Variants in JMJD1C observed in about 807,000 individuals in gnomAD.
JMJD1C encodes jumonji domain containing 1C.
JMJD1C carries 31 observed loss-of-function variants against 245.3 expected under a neutral mutation model. The observed-to-expected ratio is 0.13, with a 90% CI of 0.09 to 0.17. JMJD1C has a LOEUF of 0.17. JMJD1C is among the 10% of genes least tolerant of loss of function. The pLI, the probability that JMJD1C is intolerant of heterozygous loss-of-function variation, is 1.00. For missense variants in JMJD1C, 2,691 were observed against 3,000.2 expected (o/e 0.90, Z 2.41); for synonymous variants, 1,057 against 1,017.4 (o/e 1.04, Z -0.74).
At chr10:63,216,868 G>A (rs1848050324) in intron 5 of JMJD1C, among the ~76,000 whole-genome samples, 1 of 152,148 alleles carries the variant, frequency 6.6e-6, no homozygotes, top group African/African-American at 2.4e-5. Flanking sequence ...AATGATTTCG[G>A]AAATATTTTT....
chr10:63,513,229 A>G (rs1215537187), intron 1 of JMJD1C, among the ~76,000 whole-genome samples: 1 of 152,188 alleles, frequency 6.6e-6, no homozygotes, highest in African/African-American at 2.4e-5. Context: ...TATTCAATAA[A>G]TGGTGCTGGG....
chr10:63,375,025 T>C (rs922974969), intron 2 of JMJD1C, among the ~76,000 whole-genome samples: 4 of 152,172 alleles, frequency 2.6e-5, no homozygotes, highest in African/African-American at 9.7e-5. Flanking sequence ...TCTGGTCTAA[T>C]TTCTGGACTA....
At chr10:63,463,164 ATATTTATT>A (rs1012157733) in intron 1 of JMJD1C, among the ~76,000 whole-genome samples, 1 of 151,832 alleles carries the variant, frequency 6.6e-6, no homozygotes, top group African/African-American at 2.4e-5. Flanking sequence ...TTCTTTTTAC[ATATTTATT>A]TATTTATTTA....
chr10:63,202,835 T>A, intron 10 of JMJD1C: 1 of 981,546 alleles, frequency 1.0e-6, no homozygotes, highest in Non-Finnish European at 1.2e-6. Context: ...AGAATTGTTA[T>A]ACTGCTGATA....
chr10:63,370,093 T>C (rs1946176037), intron 2 of JMJD1C, among the ~76,000 whole-genome samples: 1 of 152,168 alleles, frequency 6.6e-6, no homozygotes, highest in South Asian at 2.1e-4. Context: ...ACTGTGGACA[T>C]AAAAAGATAA....
At chr10:63,425,747 A>C (rs1407711751) in intron 1 of JMJD1C, among the ~76,000 whole-genome samples, 1 of 152,210 alleles carries the variant, frequency 6.6e-6, no homozygotes, top group Non-Finnish European at 1.5e-5. Context: ...GCACCACTGC[A>C]CTCCGGCCTG....
chr10:63,180,441 T>C (rs1444212260), intron 22 of JMJD1C, among the ~76,000 whole-genome samples: 1 of 152,196 alleles, frequency 6.6e-6, no homozygotes, highest in Non-Finnish European at 1.5e-5. Context: ...AAACATCACA[T>C]TGTGGTAAGT....
chr10:63,239,081 A>ATT (rs1179068341), intron 3 of JMJD1C, among the ~76,000 whole-genome samples: 1 of 152,220 alleles, frequency 6.6e-6, no homozygotes, highest in Non-Finnish European at 1.5e-5. Flanking sequence ...AGACTCAAGA[A>ATT]AAGTATGAAA....
chr10:63,248,273 C>A (rs185441341), intron 3 of JMJD1C, among the ~76,000 whole-genome samples: 271 of 152,038 alleles, frequency 1.8e-3, no homozygotes, highest in Non-Finnish European at 2.7e-3. Context: ...CCAGCCTGAC[C>A]AACATGGTGG....
In JMJD1C at chr10:63,209,045, A is replaced by G. The variant is rs1045303830; in HGVS notation, c.2867+18T>C. 1.3e-6 allele frequency: 2 copies of G among 1,568,976 alleles called. No individual in the cohort carries two copies. Among genetic ancestry groups the G allele is most frequent in the African/African-American group, 2.8e-5 (2 of 72,694 alleles). On this transcript the variant is annotated intron_variant, in intron 9 of 25. Coordinates refer to ENST00000399262, the MANE Select transcript of JMJD1C (RefSeq NM_032776.3). ...TATGAACAAGGTATTTATAATTTTT[A>G]AGCACTGGTGAACTTACTCCTTATG...
At chr10:63,512,688 T>C (rs1209836784) in intron 1 of JMJD1C, among the ~76,000 whole-genome samples, 1 of 151,812 alleles carries the variant, frequency 6.6e-6, no homozygotes, top group African/African-American at 2.4e-5. Flanking sequence ...GCACTTACCA[T>C]CTTTGGTGCT....
At position 63,208,111 on chromosome 10, in the gene JMJD1C, A is replaced by G; in HGVS notation, c.3558T>C (p.Pro1186=). ...VTTFRNDCRS[P]THLTVSSTNT... ...TTGTAGAAGAAACTGTCAAATGGGT[A>G]GGACTCCTACAATCATTTCTGAAGG... Residue 1186 remains proline (P), a synonymous_variant, in exon 10 of 26, where the codon CCT becomes CCC. Transcript: ENST00000399262. 6.2e-7 allele frequency: 1 copy of G among 1,614,168 alleles called. No individual in the cohort carries two copies. Among genetic ancestry groups the G allele is most frequent in the East Asian group, 2.2e-5 (1 of 44,882 alleles).
chr10:63,193,383 G>C lies in JMJD1C; in HGVS notation c.5824C>G (p.Gln1942Glu). The C allele has an allele frequency of 3.1e-6, 5 of 1,604,008 alleles. No homozygotes were observed. Among genetic ancestry groups the C allele is most frequent in the Non-Finnish European group, 1.7e-6 (2 of 1,174,430 alleles). Residue 1942 changes from glutamine to glutamate, a missense_variant, in exon 15 of 26, where the codon CAA becomes GAA. Gln to Glu is a conservative substitution (Grantham distance 29). Transcript: ENST00000399262. ...HCHCTNKQNL[Q>E]VGNFPTMNGV... ...TTCATTGTAGGAAAATTTCCAACTTGTAAATTCTGTTTGTTAGTACAATGA... is the reference window on the plus strand; with the variant it reads ...TTCATTGTAGGAAAATTTCCAACTTCTAAATTCTGTTTGTTAGTACAATGA...
Position 63,499,305 on chromosome 10 carries a change from T to C in JMJD1C, n.113+22433A>G, listed in dbSNP as rs192463726. On this transcript the variant is annotated intron_variant and non_coding_transcript_variant, in intron 1 of 3. Coordinates refer to the JMJD1C transcript ENST00000633035. The stretch of plus-strand genomic sequence containing the variant: ...TGAGGAACCTTCATACTATTTTCCA[T>C]AGCAGCTGCACCATTTTGCATTCCC... 7.0e-4 allele frequency among the ~76,000 whole-genome samples: 107 copies of C among 152,338 alleles called. 1 individual carries two copies. The highest frequency in any genetic ancestry group is 2.4e-3 in the African/African-American group (98 of 41,568).
chr10:63,312,094 CTTTTTTT>C (rs35328965), intron 2 of JMJD1C, among the ~76,000 whole-genome samples: 24 of 64,032 alleles, frequency 3.7e-4, no homozygotes, highest in East Asian at 4.1e-4. Flanking sequence ...AGTAGCTAAA[CTTTTTTT>C]TTTTTTTTTT....
intron 1 of JMJD1C, among the ~76,000 whole-genome samples, chr10:63,506,543 T>A (rs1227038179): frequency 3.9e-5 from 6 of 152,220 alleles, no homozygotes; most frequent in African/African-American, 1.4e-4. Flanking sequence ...AAAGCCTAGC[T>A]GCTTTTGTAA....
chr10:63,201,976 G>A (rs56205705), intron 10 of JMJD1C, among the ~76,000 whole-genome samples: 1,996 of 151,882 alleles, frequency 0.013, 30 homozygotes, highest in African/African-American at 0.034. Context: ...CTATGTTGGG[G>A]TCCAGGTGCA....
intron 23 of JMJD1C, chr10:63,177,457 C>T: frequency 2.4e-6 from 1 of 420,164 alleles, no homozygotes; most frequent in Non-Finnish European, 4.2e-6. Flanking sequence ...GGCTCAAGAA[C>T]AGATCAGTCT....
upstream of JMJD1C, chr10:63,466,190 G>A (rs886783526): frequency 3.6e-4 from 66 of 185,484 alleles, no homozygotes; most frequent in Non-Finnish European, 6.1e-4. Context: ...AGGGCCGCGG[G>A]AAAGTAGGCG....
Sources: gnomAD v4.1 joint callset for allele counts (sites outside exome capture counted in the v4.1 genomes callset) on GRCh38, gnomAD v4.1.1 for gene constraint, MANE v1.5 for transcripts, NCBI Gene and HGNC (gene_info 2026-07-23, HGNC 2026-07-21) for gene names.